The following DPP6 variants were observed in gnomAD, a reference collection of about 807,000 sequenced individuals.
The protein encoded by DPP6 is A-type potassium channel modulatory protein DPP6.
Under a neutral mutation model 122.6 loss-of-function variants are expected in DPP6, and 69 were observed. That is an observed-to-expected ratio of 0.56 (90% CI 0.46 to 0.69). The LOEUF (loss-of-function observed/expected upper bound fraction) is 0.69. DPP6 is among the 30% of genes least tolerant of loss of function. The probability of loss-of-function intolerance (pLI) is 0.00; values close to 1 mark genes in which losing one functional copy is unlikely to be tolerated. For synonymous variants in DPP6, 418 were observed against 433.1 expected (o/e 0.97, Z 0.43); for missense variants, 928 against 1,116.9 (o/e 0.83, Z 2.41).
chr7:154,835,208 T>G (rs930379436), intron 16 of DPP6, among the ~76,000 whole-genome samples: 1 of 152,134 alleles, frequency 6.6e-6, no homozygotes, highest in Non-Finnish European at 1.5e-5. Context: ...CCGGATCTGA[T>G]ACGAGGGGTG....
intron 3 of DPP6, among the ~76,000 whole-genome samples, chr7:154,510,694 C>CAAA (rs67365097): frequency 4.5e-5 from 6 of 134,072 alleles, no homozygotes; most frequent in African/African-American, 1.1e-4. Context: ...CCAGGTGTCT[C>CAAA]AAAAAAAAAA....
intron 16 of DPP6, among the ~76,000 whole-genome samples, chr7:154,839,649 C>T (rs1431831474): frequency 3.3e-5 from 5 of 152,186 alleles, no homozygotes; most frequent in Non-Finnish European, 2.9e-5. Context: ...AGGGAGGAGG[C>T]AGAGAGCCAT....
intron 1 of DPP6, among the ~76,000 whole-genome samples, chr7:154,281,049 G>A (rs1804476493): frequency 6.6e-6 from 1 of 150,652 alleles, no homozygotes. Context: ...GTCTTGCTCT[G>A]TCACCCAGGC....
intron 1 of DPP6, among the ~76,000 whole-genome samples, chr7:154,357,963 AAAG>A (rs1811414774): frequency 6.6e-6 from 1 of 151,500 alleles, no homozygotes; most frequent in African/African-American, 2.4e-5. Context: ...AAAAAAAAGA[AAAG>A]AAAAGAAATC....
At chr7:154,299,409 G>A (rs972527235) in intron 1 of DPP6, among the ~76,000 whole-genome samples, 10 of 152,228 alleles carry the variant, frequency 6.6e-5, no homozygotes, top group Admixed American at 3.9e-4. Context: ...CAGTGAGCAC[G>A]CAGTGGTCGA....
chr7:154,537,850 T>G (rs907134305), intron 3 of DPP6, among the ~76,000 whole-genome samples: 2 of 151,928 alleles, frequency 1.3e-5, no homozygotes, highest in Non-Finnish European at 2.9e-5. Context: ...AGAAGAATAT[T>G]CATGGTAGAA....
chr7:153,895,363 A>G (rs145270009), intron 1 of DPP6, among the ~76,000 whole-genome samples: 1 of 152,308 alleles, frequency 6.6e-6, no homozygotes, highest in African/African-American at 2.4e-5. Flanking sequence ...CATGTGTCGA[A>G]TAAGGAAATT....
At chr7:153,899,548 A>G (rs1429097419) in intron 1 of DPP6, among the ~76,000 whole-genome samples, 1 of 152,100 alleles carries the variant, frequency 6.6e-6, no homozygotes, top group African/African-American at 2.4e-5. Flanking sequence ...TTATATGTGG[A>G]CTTACTTGAA....
chr7:154,647,691 G>A (rs1029078823), intron 6 of DPP6, among the ~76,000 whole-genome samples: 1 of 152,220 alleles, frequency 6.6e-6, no homozygotes, highest in Non-Finnish European at 1.5e-5. Context: ...AGACACGCCA[G>A]ATGTTACAGG....
At chr7:154,392,337 A>G (rs975357955) in intron 1 of DPP6, among the ~76,000 whole-genome samples, 1 of 152,204 alleles carries the variant, frequency 6.6e-6, no homozygotes, top group Non-Finnish European at 1.5e-5. Flanking sequence ...GGTGGGTGTA[A>G]GTGATTTAAC....
At chr7:154,468,564 C>A (rs923088216) in intron 2 of DPP6, among the ~76,000 whole-genome samples, 2 of 152,244 alleles carry the variant, frequency 1.3e-5, no homozygotes, top group South Asian at 2.1e-4. Context: ...GTGCCTAATG[C>A]GGTAACTCAC....
intron 1 of DPP6, among the ~76,000 whole-genome samples, chr7:154,406,241 G>T (rs575092624): frequency 6.6e-6 from 1 of 152,226 alleles, no homozygotes; most frequent in South Asian, 2.1e-4. Context: ...AGTCTACAGT[G>T]TGCTTTTCAT....
chr7:154,792,162 G>A (rs1797722730), intron 10 of DPP6, among the ~76,000 whole-genome samples: 1 of 152,260 alleles, frequency 6.6e-6, no homozygotes, highest in Admixed American at 6.5e-5. Context: ...CAGACGAAAT[G>A]TGTTTGCTGA....
chr7:154,692,012 T>C (rs1173167671), intron 7 of DPP6, among the ~76,000 whole-genome samples: 1 of 151,884 alleles, frequency 6.6e-6, no homozygotes, highest in Non-Finnish European at 1.5e-5. Context: ...TGATGATGTG[T>C]ATAACCCCTC....
chr7:153,767,562 A>G, the DPP6 span, among the ~76,000 whole-genome samples: 3,425 of 141,054 alleles, frequency 0.024, 64 homozygotes, highest in Middle Eastern at 0.04. Flanking sequence ...TATTTTTACT[A>G]GAGACAAGGT....
chr7:153,923,856 A>G (rs1486844133), intron 1 of DPP6, among the ~76,000 whole-genome samples: 2 of 151,998 alleles, frequency 1.3e-5, no homozygotes, highest in Non-Finnish European at 2.9e-5. Context: ...CACCCTCACA[A>G]TGCTCATTTA....
At chr7:153,987,526 T>G (rs1044008899) in intron 1 of DPP6, among the ~76,000 whole-genome samples, 1 of 151,966 alleles carries the variant, frequency 6.6e-6, no homozygotes, top group African/African-American at 2.4e-5. Context: ...ACACATATAA[T>G]TTACAGAAGT....
chr7:154,743,539 A>G (rs6597415), intron 8 of DPP6, among the ~76,000 whole-genome samples: 28,168 of 152,192 alleles, frequency 0.19, 2,813 homozygotes, highest in Non-Finnish European at 0.2. Flanking sequence ...ATTTTCGTTA[A>G]GCTGCTCAAA....
chr7:154,102,779 C>G (rs997809958), intron 1 of DPP6, among the ~76,000 whole-genome samples: 2 of 152,190 alleles, frequency 1.3e-5, no homozygotes, highest in Non-Finnish European at 2.9e-5. Flanking sequence ...TTGCTTCCAG[C>G]TCCTTTTTCC....
Sources: allele counts gnomAD v4.1 joint callset (sites outside exome capture counted in the v4.1 genomes callset), GRCh38; gene constraint gnomAD v4.1.1; transcripts MANE v1.5; gene names NCBI Gene and HGNC (gene_info 2026-07-23, HGNC 2026-07-21).